Variants in FSTL5 observed in about 807,000 individuals in gnomAD.
FSTL5 encodes follistatin-related protein 5.
Under a neutral mutation model 89.1 loss-of-function variants are expected in FSTL5, and 62 were observed. The observed-to-expected ratio is 0.70, with a 90% CI of 0.57 to 0.86. The LOEUF (loss-of-function observed/expected upper bound fraction) is 0.86, where lower values mean the gene tolerates loss of function less well. FSTL5 is among the 40% of genes least tolerant of loss of function. FSTL5 has a pLI of 0.00. For synonymous variants in FSTL5, 383 were observed against 346.2 expected (o/e 1.11, Z -1.18); for missense variants, 1,057 against 1,001.6 (o/e 1.06, Z -0.75).
intron 3 of FSTL5, among the ~76,000 whole-genome samples, chr4:162,023,441 T>C (rs896036099): frequency 1.3e-5 from 2 of 152,168 alleles, no homozygotes; most frequent in African/African-American, 2.4e-5. Flanking sequence ...CTCTACCCTT[T>C]GGGCTTAACA....
chr4:161,887,617 C>A (rs1161385215), intron 4 of FSTL5, among the ~76,000 whole-genome samples: 1 of 152,064 alleles, frequency 6.6e-6, no homozygotes, highest in Non-Finnish European at 1.5e-5. Flanking sequence ...TTAAATTCAT[C>A]TCTCTTCATA....
intron 3 of FSTL5, among the ~76,000 whole-genome samples, chr4:161,974,805 G>A (rs549862022): frequency 6.7e-6 from 1 of 148,388 alleles, no homozygotes; most frequent in African/African-American, 2.5e-5. Flanking sequence ...TACCATCAGA[G>A]TGAACAGGCA....
At chr4:161,726,236 T>TC (rs1017656766) in intron 6 of FSTL5, among the ~76,000 whole-genome samples, 6 of 145,848 alleles carry the variant, frequency 4.1e-5, no homozygotes, top group Non-Finnish European at 6.0e-5. Context: ...TCTTTTTTTT[T>TC]TTTTTTTTGA....
Position 161,614,304 on chromosome 4 carries a change from T to C in FSTL5, c.895-26729A>G, listed in dbSNP as rs143869745. ...GAACCAAATACCTGATGTTTAACAATTGTATGATTCTGAGAAGATAAATTG... is the reference window on the plus strand; with the variant it reads ...GAACCAAATACCTGATGTTTAACAACTGTATGATTCTGAGAAGATAAATTG... On this transcript the variant is annotated intron_variant, in intron 7 of 15. Coordinates refer to ENST00000306100, the MANE Select transcript of FSTL5 (RefSeq NM_020116.5). Among the ~76,000 whole-genome samples the C allele has an allele frequency of 3.0e-3, 461 of 152,322 alleles. 2 individuals are homozygous for C. The highest frequency in any genetic ancestry group is 0.011 in the African/African-American group (443 of 41,588).
chr4:161,890,868 A>C (rs879217356), intron 4 of FSTL5, among the ~76,000 whole-genome samples: 1 of 152,108 alleles, frequency 6.6e-6, no homozygotes, highest in East Asian at 1.9e-4. Flanking sequence ...GTGTCCATTT[A>C]TCTCTTTCTC....
At chr4:161,892,371 T>C (rs772346691) in intron 4 of FSTL5, among the ~76,000 whole-genome samples, 2 of 152,078 alleles carry the variant, frequency 1.3e-5, no homozygotes, top group Non-Finnish European at 2.9e-5. Context: ...TTTTACCAAA[T>C]ACACTATATT....
chr4:161,779,782 T>C lies in FSTL5; in HGVS notation c.410-3708A>G, dbSNP rs1411581299. Among the ~76,000 whole-genome samples, 12 of 39,392 alleles carry C rather than the reference T, an allele frequency of 3.0e-4. 1 individual carries two copies. Among genetic ancestry groups the C allele is most frequent in the Non-Finnish European group, 4.3e-4 (11 of 25,598 alleles). 25.8% of individuals were successfully genotyped at this position (39,392 alleles called of 152,430 possible). ...AGTTATATATATATATATGTATATA[T>C]ATATATATATATATATATATATATA... On this transcript the variant is annotated intron_variant, in intron 4 of 15. Coordinates refer to ENST00000306100, the MANE Select transcript of FSTL5 (RefSeq NM_020116.5).
intron 10 of FSTL5, among the ~76,000 whole-genome samples, chr4:161,527,358 A>G (rs1731259166): frequency 6.6e-6 from 1 of 152,188 alleles, no homozygotes; most frequent in Non-Finnish European, 1.5e-5. Flanking sequence ...TGAACAGGCA[A>G]CCTACAAAAT....
chr4:161,819,250 C>A (rs928585617), intron 4 of FSTL5, among the ~76,000 whole-genome samples: 3 of 151,952 alleles, frequency 2.0e-5, no homozygotes, highest in African/African-American at 4.8e-5. Context: ...AACTTAAAGT[C>A]TTTAATTTTT....
chr4:161,741,788 A>C (rs1740038189), intron 6 of FSTL5, among the ~76,000 whole-genome samples: 1 of 151,084 alleles, frequency 6.6e-6, no homozygotes, highest in Non-Finnish European at 1.5e-5. Context: ...CCCGGTTTCA[A>C]GCAATTCTCC....
intron 7 of FSTL5, among the ~76,000 whole-genome samples, chr4:161,643,132 TTG>T (rs1736024806): frequency 6.6e-6 from 1 of 152,188 alleles, no homozygotes; most frequent in Non-Finnish European, 1.5e-5. Context: ...AGTGCTATTA[TTG>T]TGTTATATGT....
At chr4:162,107,533 T>C (rs1731270995) in intron 2 of FSTL5, among the ~76,000 whole-genome samples, 1 of 152,104 alleles carries the variant, frequency 6.6e-6, no homozygotes, top group Admixed American at 6.6e-5. Flanking sequence ...CACACAGATT[T>C]TGGGTCACAG....
chr4:161,897,603 AT>A (rs1431450733), intron 4 of FSTL5, among the ~76,000 whole-genome samples: 3 of 151,194 alleles, frequency 2.0e-5, no homozygotes, highest in South Asian at 2.1e-4. Context: ...AAGAAAAAAA[AT>A]ATATATATGC....
At chr4:161,618,904 A>G (rs1408689931) in intron 7 of FSTL5, among the ~76,000 whole-genome samples, 2 of 152,220 alleles carry the variant, frequency 1.3e-5, no homozygotes, top group Non-Finnish European at 2.9e-5. Flanking sequence ...CCAAAAGAAC[A>G]AAGCTGGAGG....
At chr4:161,850,056 G>T (rs1306826100) in intron 4 of FSTL5, among the ~76,000 whole-genome samples, 2 of 152,070 alleles carry the variant, frequency 1.3e-5, no homozygotes, top group African/African-American at 4.8e-5. Context: ...CATGAAAGAT[G>T]GTACAGTATT....
intron 2 of FSTL5, among the ~76,000 whole-genome samples, chr4:162,101,967 C>A (rs1264204251): frequency 1.3e-5 from 2 of 152,140 alleles, no homozygotes; most frequent in Admixed American, 6.6e-5. Context: ...TAACTCATAA[C>A]CCTTTTTCCT....
intron 14 of FSTL5, among the ~76,000 whole-genome samples, chr4:161,457,689 CTTAAAG>C (rs899641397): frequency 4.6e-5 from 7 of 151,786 alleles, no homozygotes; most frequent in Non-Finnish European, 8.8e-5. Flanking sequence ...TTATACTAAT[CTTAAAG>C]TTAATAGAGT....
chr4:162,095,510 G>A (rs1362264856), intron 2 of FSTL5, among the ~76,000 whole-genome samples: 2 of 152,016 alleles, frequency 1.3e-5, no homozygotes, highest in Non-Finnish European at 2.9e-5. Context: ...CGAATCCTGG[G>A]AGGTGAATAA....
At chr4:161,565,011 C>G (rs1732748141) in intron 8 of FSTL5, among the ~76,000 whole-genome samples, 1 of 151,762 alleles carries the variant, frequency 6.6e-6, no homozygotes, top group Non-Finnish European at 1.5e-5. Flanking sequence ...TGTTATAAAA[C>G]ACACTCCCAA....
Sources: allele counts gnomAD v4.1 joint callset (sites outside exome capture counted in the v4.1 genomes callset), GRCh38; gene constraint gnomAD v4.1.1; transcripts MANE v1.5; gene names NCBI Gene and HGNC (gene_info 2026-07-23, HGNC 2026-07-21).